The following GATC variants were observed in gnomAD, a reference collection of about 807,000 sequenced individuals.
GATC encodes the protein glutamyl-tRNA(Gln) amidotransferase subunit C, mitochondrial.
Under a neutral mutation model 14.4 loss-of-function variants are expected in GATC, and 11 were observed. That is an observed-to-expected ratio of 0.77 (90% CI 0.48 to 1.27). The LOEUF is 1.27. Ranked by LOEUF, GATC falls within the 50% of genes most tolerant of loss-of-function variation. The pLI is 0.00. For synonymous variants in GATC, 76 were observed against 79.3 expected (o/e 0.96, Z 0.22); for missense variants, 204 against 183.0 (o/e 1.11, Z -0.66).
intron 2 of GATC, among the ~76,000 whole-genome samples, chr12:120,456,397 G>T (rs1878184764): frequency 6.6e-6 from 1 of 152,154 alleles, no homozygotes; most frequent in Non-Finnish European, 1.5e-5. Context: ...TTCATTTTAG[G>T]TGTATCAGAT....
intron 2 of GATC, among the ~76,000 whole-genome samples, chr12:120,454,433 C>A (rs11614224): frequency 0.087 from 13,186 of 152,058 alleles, 715 homozygotes; most frequent in Non-Finnish European, 0.11. Flanking sequence ...AGCTCTTAGC[C>A]TTTTTGAGAC....
At chr12:120,449,764 A>T (rs985017216) in intron 2 of GATC, among the ~76,000 whole-genome samples, 1 of 145,358 alleles carries the variant, frequency 6.9e-6, no homozygotes, top group Admixed American at 7.0e-5. Flanking sequence ...ATGTTTAATG[A>T]ATTTTTTTTT....
chr12:120,459,939 G>C lies in GATC; in HGVS notation c.391G>C (p.Glu131Gln). 6.2e-7 allele frequency: 1 copy of C among 1,613,062 alleles called. No homozygotes were observed. Among genetic ancestry groups the C allele is most frequent in the Non-Finnish European group, 8.5e-7 (1 of 1,179,188 alleles). ...CTCTTTGCCAAAGCTGGATGAACAA[G>C]AGCCATTCCCACACAGCTGAGTAGC... The part of the protein sequence containing the change: ...NISLPKLDEQ[E>Q]PFPHS The change falls in exon 4 of 4, where the codon GAG (glutamate) becomes CAG (glutamine). Residue 131 changes from glutamate (E) to glutamine (Q), a missense_variant. Glu to Gln is a conservative substitution (Grantham distance 29). Coordinates refer to ENST00000551765, the MANE Select transcript of GATC (RefSeq NM_176818.3).
chr12:120,456,469 T>C (rs1878186992), intron 2 of GATC, among the ~76,000 whole-genome samples: 1 of 152,132 alleles, frequency 6.6e-6, no homozygotes, highest in Non-Finnish European at 1.5e-5. Flanking sequence ...TGTGGCAAGT[T>C]TGCTTCCCCA....
At chr12:120,455,200 GCT>G (rs1878150032) in intron 2 of GATC, among the ~76,000 whole-genome samples, 1 of 148,818 alleles carries the variant, frequency 6.7e-6, no homozygotes, top group African/African-American at 2.5e-5. Flanking sequence ...TTTTCTTCTT[GCT>G]CTGTCGCCCA....
intron 2 of GATC, among the ~76,000 whole-genome samples, chr12:120,456,600 C>G (rs1458898372): frequency 6.6e-6 from 1 of 152,128 alleles, no homozygotes. Context: ...ATTCATGCTG[C>G]TATACGTGCC....
intron 3 of GATC, among the ~76,000 whole-genome samples, chr12:120,459,530 T>G (rs140198408): frequency 6.6e-6 from 1 of 152,212 alleles, no homozygotes; most frequent in Non-Finnish European, 1.5e-5. Flanking sequence ...GTTAGCTCAG[T>G]AGAGCCAGCT....
In GATC at chr12:120,451,406, T is replaced by C. The variant is rs542297572; in HGVS notation, c.254+4577T>C. On this transcript the variant is annotated intron_variant, in intron 2 of 3. Coordinates refer to ENST00000551765, the MANE Select transcript of GATC (RefSeq NM_176818.3). ...TTGCAGTCAGCCAAGATGGAGCCAC[T>C]GCACTCCAGCCTGGGCGACAGAGTG... is the stretch of plus-strand genomic sequence containing the variant. 1.2e-3 allele frequency among the ~76,000 whole-genome samples: 176 copies of C among 151,866 alleles called. 1 individual carries two copies. Among genetic ancestry groups the C allele is most frequent in the African/African-American group, 4.2e-3 (174 of 41,388 alleles).
chr12:120,451,690 C>T (rs1051333279), intron 2 of GATC, among the ~76,000 whole-genome samples: 3 of 148,240 alleles, frequency 2.0e-5, no homozygotes, highest in South Asian at 2.2e-4. Flanking sequence ...TGCAGTGAGC[C>T]GAGATCACGT....
intron 2 of GATC, among the ~76,000 whole-genome samples, chr12:120,448,980 G>C (rs1162170124): frequency 3.0e-5 from 4 of 131,914 alleles, no homozygotes; most frequent in African/African-American, 1.1e-4. Flanking sequence ...TTTTTTAATT[G>C]AGACAAGAGT....
At chr12:120,450,005 G>A (rs1035862079) in intron 2 of GATC, among the ~76,000 whole-genome samples, 4 of 151,960 alleles carry the variant, frequency 2.6e-5, no homozygotes, top group Non-Finnish European at 5.9e-5. Flanking sequence ...CAGGTGATCT[G>A]CCCACCTTGG....
Position 120,460,660 on chromosome 12 carries a change from G to A in GATC, c.*701G>A, listed in dbSNP as rs1408767358. 6.6e-6 allele frequency: 1 copy of A among 152,246 alleles called. No homozygotes were observed. The highest frequency in any genetic ancestry group is 2.4e-5 in the African/African-American group (1 of 41,538). The allele number at this position is 152,246 out of a possible 1,614,324, so 9.4% of individuals were successfully genotyped here. ...CCGCCCCCAAAATGATTATTAAATTGAGATGAGTCCAGGATAAAACTCAGA... is the reference window on the plus strand; with the variant it reads ...CCGCCCCCAAAATGATTATTAAATTAAGATGAGTCCAGGATAAAACTCAGA... On this transcript the variant is annotated 3_prime_UTR_variant, in exon 4 of 4. Coordinates refer to ENST00000551765, the MANE Select transcript of GATC (RefSeq NM_176818.3).
intron 2 of GATC, among the ~76,000 whole-genome samples, chr12:120,451,317 G>A (rs540157446): frequency 9.9e-5 from 15 of 151,814 alleles, no homozygotes; most frequent in South Asian, 8.3e-4. Flanking sequence ...GGTGGCAGGC[G>A]CCTGTAATCC....
At position 120,462,076 on chromosome 12, in the gene GATC, G is replaced by A. The variant is rs1336909530; in HGVS notation, c.*2117G>A. ...GGGAACCCCTGCTTTGGTATGGAGA[G>A]TCACGGCCCCTTGACCCAGACCGAG... On this transcript the variant is annotated 3_prime_UTR_variant, in exon 4 of 4. Transcript: ENST00000551765. 1.2e-6 allele frequency: 2 copies of A among 1,612,272 alleles called. No homozygotes were observed. Among genetic ancestry groups the A allele is most frequent in the African/African-American group, 1.3e-5 (1 of 74,938 alleles).
In GATC at chr12:120,463,172, C is replaced by A. The variant is rs1179596662; in HGVS notation, c.*3213C>A. On this transcript the variant is annotated 3_prime_UTR_variant, in exon 4 of 4. Transcript: ENST00000551765. ...CTCAATGGTACCAAAGGGATAGTCA[C>A]CACCTCAATCAAACTGAGATCCAAA... 1 of 152,158 alleles carries A rather than the reference C, an allele frequency of 6.6e-6. No homozygotes were observed. The highest frequency in any genetic ancestry group is 1.5e-5 in the Non-Finnish European group (1 of 68,050). The allele number at this position is 152,158 out of a possible 1,614,324, so 9.4% of individuals were successfully genotyped here.
chr12:120,462,237 A>C lies in GATC; in HGVS notation c.*2278A>C, dbSNP rs1271623456. ...CAGAAGAATAAGCAAACCAACATCT[A>C]ACAATAATAGTTAAGTATTGAGCAC... On this transcript the variant is annotated 3_prime_UTR_variant, in exon 4 of 4. Coordinates refer to ENST00000551765, the MANE Select transcript of GATC (RefSeq NM_176818.3). 2 of 1,480,022 alleles carry C rather than the reference A, an allele frequency of 1.4e-6. No homozygotes were observed. Among genetic ancestry groups the C allele is most frequent in the African/African-American group, 2.8e-5 (2 of 71,354 alleles). The allele number at this position is 1,480,022 out of a possible 1,614,324, so 91.7% of individuals were successfully genotyped here. A position where few individuals can be genotyped will look rare whatever the true frequency, so the allele number is the denominator to read the frequency against.
Position 120,462,198 on chromosome 12 carries a change from A to G in GATC, c.*2239A>G, listed in dbSNP as rs746615588. On this transcript the variant is annotated 3_prime_UTR_variant, in exon 4 of 4. Transcript: ENST00000551765. ...AACAAAAACAAAAAGAGTAAAGGGG[A>G]AAAAAATCAGAGCCAGAAGAATAAG... 3.1e-5 allele frequency: 48 copies of G among 1,572,620 alleles called. No individual in the cohort carries two copies. The highest frequency in any genetic ancestry group is 4.1e-5 in the African/African-American group (3 of 73,934).
intron 2 of GATC, among the ~76,000 whole-genome samples, chr12:120,447,334 CAA>C (rs1182728073): frequency 4.6e-5 from 7 of 152,092 alleles, no homozygotes; most frequent in Admixed American, 6.6e-5. Flanking sequence ...CTCGGCCTCC[CAA>C]AGTGCTGGGA....
At chr12:120,457,277 T>C (rs2137044461) in intron 3 of GATC, 98 bp downstream of exon 3, 1 of 873,714 alleles carries the variant, frequency 1.1e-6, no homozygotes, top group Middle Eastern at 2.2e-4. Context: ...GAAGGCACTT[T>C]GAAAAGGATG....
Sources: allele counts gnomAD v4.1 joint callset (sites outside exome capture counted in the v4.1 genomes callset), GRCh38; gene constraint gnomAD v4.1.1; transcripts MANE v1.5; gene names NCBI Gene and HGNC (gene_info 2026-07-23, HGNC 2026-07-21).